The following C8orf34 variants were observed in gnomAD, a reference collection of about 807,000 sequenced individuals.
C8orf34 encodes the protein uncharacterized protein C8orf34.
C8orf34 carries 65 observed loss-of-function variants against 68.3 expected under a neutral mutation model. The observed-to-expected ratio is 0.95, with a 90% confidence interval of 0.78 to 1.17. The LOEUF is 1.17. C8orf34 is among the 50% of genes most tolerant of loss of function. C8orf34 has a pLI of 0.00. For missense variants in C8orf34, 664 were observed against 655.4 expected (o/e 1.01, Z -0.14); for synonymous variants, 244 against 241.2 (o/e 1.01, Z -0.11).
chr8:68,508,153 C>A (rs1814106607), intron 5 of C8orf34, among the ~76,000 whole-genome samples: 1 of 152,136 alleles, frequency 6.6e-6, no homozygotes, highest in Non-Finnish European at 1.5e-5. Context: ...TGCAAATTGG[C>A]CAGTTATTTT....
At chr8:68,792,905 G>GCATA (rs763626933) in intron 12 of C8orf34, among the ~76,000 whole-genome samples, 89 of 151,866 alleles carry the variant, frequency 5.9e-4, no homozygotes, top group Non-Finnish European at 1.0e-3. Context: ...GTGTATGTAT[G>GCATA]CATATATAAA....
intron 3 of C8orf34, among the ~76,000 whole-genome samples, chr8:68,463,653 A>G (rs1437923712): frequency 6.6e-6 from 1 of 152,192 alleles, no homozygotes; most frequent in Non-Finnish European, 1.5e-5. Flanking sequence ...AAATCAATAA[A>G]TGTAATCCAG....
chr8:68,624,396 G>C (rs1818475902), intron 7 of C8orf34, among the ~76,000 whole-genome samples: 1 of 152,044 alleles, frequency 6.6e-6, no homozygotes, highest in Admixed American at 6.6e-5. Context: ...AAAAACACTA[G>C]TTTGAGAAAT....
intron 7 of C8orf34, among the ~76,000 whole-genome samples, chr8:68,635,141 G>A (rs1247209484): frequency 1.3e-5 from 2 of 152,110 alleles, no homozygotes; most frequent in African/African-American, 2.4e-5. Flanking sequence ...CTGGCAGGGA[G>A]TTTTTACTGT....
At chr8:68,581,493 A>G (rs1288559799) in intron 7 of C8orf34, among the ~76,000 whole-genome samples, 2 of 152,116 alleles carry the variant, frequency 1.3e-5, no homozygotes, top group African/African-American at 4.8e-5. Context: ...GTTTTCTCCA[A>G]TGACAAGGGA....
chr8:68,497,635 A>T (rs1813582433), intron 5 of C8orf34, among the ~76,000 whole-genome samples: 1 of 152,180 alleles, frequency 6.6e-6, no homozygotes, highest in Non-Finnish European at 1.5e-5. Context: ...AAAATACTGG[A>T]TAATTACAGT....
intron 11 of C8orf34, among the ~76,000 whole-genome samples, chr8:68,777,452 A>C (rs1025030193): frequency 3.3e-5 from 5 of 152,372 alleles, no homozygotes; most frequent in Admixed American, 2.6e-4. Flanking sequence ...CATGTTGTAC[A>C]CAAGTGTAAA....
intron 8 of C8orf34, among the ~76,000 whole-genome samples, chr8:68,651,000 G>C (rs1819341723): frequency 6.6e-6 from 1 of 152,294 alleles, no homozygotes; most frequent in African/African-American, 2.4e-5. Context: ...CTCTTTGTTA[G>C]AAAAGAAATG....
At chr8:68,466,243 G>A (rs1812129382) in intron 3 of C8orf34, among the ~76,000 whole-genome samples, 1 of 151,844 alleles carries the variant, frequency 6.6e-6, no homozygotes, top group Non-Finnish European at 1.5e-5. Context: ...GGGCATGGGG[G>A]AAAATGAGAG....
At chr8:68,407,902 T>G (rs1420783354) in intron 1 of C8orf34, among the ~76,000 whole-genome samples, 1 of 152,198 alleles carries the variant, frequency 6.6e-6, no homozygotes, top group Non-Finnish European at 1.5e-5. Flanking sequence ...TTCTTATTTT[T>G]CATGACAACA....
chr8:68,722,877 A>G (rs928349631), intron 10 of C8orf34, among the ~76,000 whole-genome samples: 18 of 151,956 alleles, frequency 1.2e-4, no homozygotes, highest in Non-Finnish European at 7.4e-5. Flanking sequence ...TTACTGTAAA[A>G]TGGTAAAATC....
chr8:68,680,504 CA>C (rs1396430797), intron 8 of C8orf34, among the ~76,000 whole-genome samples: 1 of 152,092 alleles, frequency 6.6e-6, no homozygotes, highest in Non-Finnish European at 1.5e-5. Context: ...CTCAAACCAG[CA>C]AGTTTTTTAT....
chr8:68,462,981 CA>C (rs1187117951), intron 3 of C8orf34, among the ~76,000 whole-genome samples: 1 of 151,852 alleles, frequency 6.6e-6, no homozygotes, highest in African/African-American at 2.4e-5. Flanking sequence ...GAAAACCCTT[CA>C]AAAAATTAAT....
intron 1 of C8orf34, among the ~76,000 whole-genome samples, chr8:68,414,226 A>G (rs1809566637): frequency 6.6e-6 from 1 of 152,112 alleles, no homozygotes; most frequent in Non-Finnish European, 1.5e-5. Flanking sequence ...CAGAATATGT[A>G]TTTATTTTAC....
At chr8:68,584,788 A>T (rs560884331) in intron 7 of C8orf34, among the ~76,000 whole-genome samples, 1 of 152,286 alleles carries the variant, frequency 6.6e-6, no homozygotes, top group South Asian at 2.1e-4. Context: ...TATTGCATAG[A>T]AATGGAATAT....
chr8:68,652,357 CT>C (rs1293549135), intron 8 of C8orf34, among the ~76,000 whole-genome samples: 3 of 152,130 alleles, frequency 2.0e-5, no homozygotes, highest in Non-Finnish European at 4.4e-5. Context: ...TTCTCACATT[CT>C]GAGGGTTTTC....
intron 11 of C8orf34, among the ~76,000 whole-genome samples, chr8:68,784,080 A>C (rs1823773257): frequency 6.6e-6 from 1 of 152,148 alleles, no homozygotes; most frequent in Admixed American, 6.5e-5. Context: ...AGCTTTCCAC[A>C]GGTTTTCCCT....
chr8:68,555,198 C>T (rs1816213957), intron 7 of C8orf34, among the ~76,000 whole-genome samples: 2 of 152,126 alleles, frequency 1.3e-5, no homozygotes, highest in Non-Finnish European at 2.9e-5. Flanking sequence ...GCCATTGTTT[C>T]AGCCTCTCAA....
At chr8:68,438,500 A>C (rs1810757783) in intron 1 of C8orf34, 1 of 152,234 alleles carries the variant, frequency 6.6e-6, no homozygotes, top group Non-Finnish European at 1.5e-5. Context: ...TTCCAGTAAC[A>C]CTTTTGTTAG....
Sources: gnomAD v4.1 joint callset for allele counts (sites outside exome capture counted in the v4.1 genomes callset) on GRCh38, gnomAD v4.1.1 for gene constraint, MANE v1.5 for transcripts, NCBI Gene and HGNC (gene_info 2026-07-23, HGNC 2026-07-21) for gene names.